The following SPMIP2 variants were observed in gnomAD, a reference collection of about 807,000 sequenced individuals.
SPMIP2 encodes the protein sperm microtubule inner protein 2, also known as protein SPMIP2.
the SPMIP2 span, among the ~76,000 whole-genome samples, chr4:158,998,053 T>C: frequency 1.2e-4 from 18 of 152,246 alleles, no homozygotes; most frequent in East Asian, 1.5e-3. Flanking sequence ...ATACATACAA[T>C]CTCTATCACA....
At chr4:158,999,126 C>G in the SPMIP2 span, among the ~76,000 whole-genome samples, 1 of 150,940 alleles carries the variant, frequency 6.6e-6, no homozygotes, top group Admixed American at 6.6e-5. Context: ...GAGCCAAGAT[C>G]GTGCCACTGC....
chr4:159,009,783 C>T, the SPMIP2 span, among the ~76,000 whole-genome samples: 2 of 151,806 alleles, frequency 1.3e-5, no homozygotes, highest in Non-Finnish European at 2.9e-5. Context: ...CTAGCCTGGA[C>T]AATATGGCAA....
chr4:159,042,382 G>A, the SPMIP2 span, among the ~76,000 whole-genome samples: 28,267 of 152,058 alleles, frequency 0.19, 2,990 homozygotes, highest in African/African-American at 0.29. Flanking sequence ...TACATTGGCC[G>A]TTGGCCAAAG....
At chr4:158,970,556 A>G in the SPMIP2 span, among the ~76,000 whole-genome samples, 1 of 152,066 alleles carries the variant, frequency 6.6e-6, no homozygotes, top group Non-Finnish European at 1.5e-5. Context: ...GAAAAACAAA[A>G]AAAAAAGATT....
At chr4:158,999,170 CAA>C in the SPMIP2 span, among the ~76,000 whole-genome samples, 11 of 38,070 alleles carry the variant, frequency 2.9e-4, no homozygotes, top group African/African-American at 7.7e-4. Flanking sequence ...GACCCTGCCT[CAA>C]AAAAAAAAAC....
the SPMIP2 span, among the ~76,000 whole-genome samples, chr4:159,040,672 C>T: frequency 6.6e-6 from 1 of 152,042 alleles, no homozygotes; most frequent in Admixed American, 6.5e-5. Flanking sequence ...CACTGTGTTT[C>T]CCAGGCTGGT....
the SPMIP2 span, among the ~76,000 whole-genome samples, chr4:158,986,612 C>T: frequency 2.0e-5 from 3 of 151,964 alleles, no homozygotes; most frequent in Non-Finnish European, 4.4e-5. Flanking sequence ...CTTCCTTACA[C>T]CTTATACAAA....
chr4:159,067,296 T>A, the SPMIP2 span, among the ~76,000 whole-genome samples: 3 of 151,954 alleles, frequency 2.0e-5, no homozygotes, highest in African/African-American at 7.3e-5. Flanking sequence ...TGAGATGGAG[T>A]CTCACTCTGT....
chr4:158,950,823 G>A, the SPMIP2 span, among the ~76,000 whole-genome samples: 1 of 152,160 alleles, frequency 6.6e-6, no homozygotes, highest in African/African-American at 2.4e-5. Context: ...AACCTTGGAG[G>A]CAGAGGTTTC....
At chr4:158,927,790 C>A in the SPMIP2 span, among the ~76,000 whole-genome samples, 1 of 152,246 alleles carries the variant, frequency 6.6e-6, no homozygotes, top group Non-Finnish European at 1.5e-5. Context: ...GGGCCCCGCA[C>A]TCGGAGCAGC....
chr4:158,973,279 T>G, the SPMIP2 span: 1 of 1,613,614 alleles, frequency 6.2e-7, no homozygotes, highest in Non-Finnish European at 8.5e-7. Context: ...TGCTGATGAA[T>G]TTTGGGTAAA....
At chr4:159,015,358 A>G in the SPMIP2 span, among the ~76,000 whole-genome samples, 1 of 152,256 alleles carries the variant, frequency 6.6e-6, no homozygotes, top group African/African-American at 2.4e-5. Flanking sequence ...TAAGCAACAT[A>G]TTTTAGGATA....
chr4:158,896,158 G>A, the SPMIP2 span, among the ~76,000 whole-genome samples: 11 of 152,276 alleles, frequency 7.2e-5, no homozygotes, highest in African/African-American at 2.6e-4. Flanking sequence ...CACACTGCCC[G>A]TTTCTAGTAA....
the SPMIP2 span, among the ~76,000 whole-genome samples, chr4:158,920,668 A>G: frequency 1.3e-5 from 2 of 152,178 alleles, no homozygotes; most frequent in African/African-American, 2.4e-5. Flanking sequence ...CCTGTTTTCT[A>G]TTGTTTAAGA....
the SPMIP2 span, among the ~76,000 whole-genome samples, chr4:159,029,647 G>T: frequency 6.6e-6 from 1 of 152,190 alleles, no homozygotes; most frequent in African/African-American, 2.4e-5. Context: ...TGAGTTTTGT[G>T]TAGTGTTATG....
At chr4:159,007,099 A>G in the SPMIP2 span, 1 of 597,734 alleles carries the variant, frequency 1.7e-6, no homozygotes, top group Admixed American at 1.9e-5. Context: ...GAGGCCAGAG[A>G]TCTAGCAACT....
At chr4:158,945,915 G>A in the SPMIP2 span, among the ~76,000 whole-genome samples, 5 of 152,002 alleles carry the variant, frequency 3.3e-5, no homozygotes, top group East Asian at 9.6e-4. Flanking sequence ...CTGTTTACTT[G>A]TAATTTGCAG....
chr4:158,948,050 C>T, the SPMIP2 span, among the ~76,000 whole-genome samples: 1 of 152,154 alleles, frequency 6.6e-6, no homozygotes, highest in African/African-American at 2.4e-5. Flanking sequence ...CCATATGGTT[C>T]TAGTACTCTA....
At chr4:158,909,372 G>A in the SPMIP2 span, 38 of 147,128 alleles carry the variant, frequency 2.6e-4, 1 homozygote, top group Admixed American at 1.2e-3. Context: ...TTTCCTTTTC[G>A]TGCATGTTCA....
Sources: allele counts gnomAD v4.1 joint callset (sites outside exome capture counted in the v4.1 genomes callset), GRCh38; gene constraint gnomAD v4.1.1; transcripts MANE v1.5; gene names NCBI Gene and HGNC (gene_info 2026-07-23, HGNC 2026-07-21).